SLC1A6: variants seen among roughly 807,000 people sequenced by gnomAD.
SLC1A6 encodes solute carrier family 1 member 6, also known as excitatory amino acid transporter 4.
SLC1A6 carries 15 observed loss-of-function variants against 42.1 expected under a neutral mutation model. The ratio of observed to expected loss-of-function variants is 0.36; its 90% confidence interval spans 0.24 to 0.55. The LOEUF (loss-of-function observed/expected upper bound fraction) is 0.55. Ranked by LOEUF, SLC1A6 falls within the 20% of genes least tolerant of loss-of-function variation. SLC1A6 has a pLI of 0.88. For synonymous variants in SLC1A6, 317 were observed against 319.7 expected (o/e 0.99, Z 0.09); for missense variants, 542 against 772.5 (o/e 0.70, Z 3.54).
intron 6 of SLC1A6, among the ~76,000 whole-genome samples, chr19:14,957,574 T>C (rs983847543): frequency 6.6e-6 from 1 of 152,216 alleles, no homozygotes; most frequent in African/African-American, 2.4e-5. Context: ...TGTGGGTGCC[T>C]TGAACTTAGA....
At chr19:14,998,628 C>G (rs1181145235) in intron 1 of SLC1A6, among the ~76,000 whole-genome samples, 1 of 152,052 alleles carries the variant, frequency 6.6e-6, no homozygotes, top group East Asian at 1.9e-4. Context: ...CACCAAATTC[C>G]AAATTACTTT....
chr19:14,985,479 C>G (rs1473480608), intron 1 of SLC1A6, among the ~76,000 whole-genome samples: 1 of 152,210 alleles, frequency 6.6e-6, no homozygotes, highest in Non-Finnish European at 1.5e-5. Flanking sequence ...TCCTCCCTCT[C>G]TCTTTCTTGC....
intron 4 of SLC1A6, among the ~76,000 whole-genome samples, chr19:14,967,347 T>C (rs1273592878): frequency 6.6e-6 from 1 of 152,186 alleles, no homozygotes; most frequent in East Asian, 1.9e-4. Context: ...TACAGTCACC[T>C]GTAAACTAAA....
intron 6 of SLC1A6, among the ~76,000 whole-genome samples, chr19:14,960,930 CTTTT>C (rs58843508): frequency 7.2e-6 from 1 of 138,708 alleles, no homozygotes. Flanking sequence ...TGGTCTCTCC[CTTTT>C]TTTTTTTTTT....
chr19:14,997,869 C>A (rs934252892), intron 1 of SLC1A6, among the ~76,000 whole-genome samples: 16 of 152,104 alleles, frequency 1.1e-4, no homozygotes, highest in African/African-American at 2.7e-4. Context: ...CTTCCCTTGC[C>A]TCATTCTAGT....
At chr19:15,009,425 A>G (rs1309407823) in intron 1 of SLC1A6, among the ~76,000 whole-genome samples, 2 of 152,168 alleles carry the variant, frequency 1.3e-5, no homozygotes, top group African/African-American at 2.4e-5. Flanking sequence ...ATACTTAGCC[A>G]TAAAAAACAG....
intron 1 of SLC1A6, among the ~76,000 whole-genome samples, chr19:15,010,225 G>GAGAGAAAAGAAA (rs1555711908): frequency 3.3e-5 from 3 of 89,840 alleles, no homozygotes; most frequent in African/African-American, 1.0e-4. Flanking sequence ...AAGAGAGAGA[G>GAGAGAAAAGAAA]AGAAAAGAAA....
chr19:14,957,318 A>G (rs1049826005), intron 6 of SLC1A6, among the ~76,000 whole-genome samples: 1 of 152,132 alleles, frequency 6.6e-6, no homozygotes, highest in African/African-American at 2.4e-5. Flanking sequence ...AAGCACTTAC[A>G]TTCTGTTATG....
rs147039089 is a variant in SLC1A6, at chr19:14,956,646, G to A, written c.999C>T (p.Ala333=). 7.5e-5 allele frequency: 121 copies of A among 1,613,908 alleles called. No individual in the cohort carries two copies. In the African/African-American group the frequency reaches 1.0e-3, roughly 14 times the overall value. ...AGKILEMEDM[A]VLGGQLGMYT... ...ACATGCCCAGCTGACCCCCCAGGAC[G>A]GCCATGTCTTCCATCTCCAGAATCT... Residue 333 remains alanine (A), a synonymous_variant, in exon 7 of 10, where the codon GCC becomes GCT. Coordinates refer to ENST00000594383, the MANE Select transcript of SLC1A6 (RefSeq NM_005071.3).
At chr19:14,972,295 T>C (rs1697572930) in intron 2 of SLC1A6, among the ~76,000 whole-genome samples, 1 of 152,212 alleles carries the variant, frequency 6.6e-6, no homozygotes, top group Admixed American at 6.5e-5. Context: ...CTTAAGCTCA[T>C]AAGTGTGTGC....
chr19:14,954,562 A>G (rs887775409), intron 7 of SLC1A6, among the ~76,000 whole-genome samples: 65 of 151,672 alleles, frequency 4.3e-4, no homozygotes, highest in African/African-American at 1.6e-3. Context: ...GGACGTGGCC[A>G]GGTGAGGAAG....
chr19:15,008,028 C>CCG (rs1555711625), intron 1 of SLC1A6, among the ~76,000 whole-genome samples: 6 of 128,864 alleles, frequency 4.7e-5, no homozygotes, highest in African/African-American at 1.8e-4. Context: ...TCTGCCCCCC[C>CCG]CCCAAAAAAA....
intron 1 of SLC1A6, among the ~76,000 whole-genome samples, chr19:14,997,934 C>A (rs2045854691): frequency 6.6e-6 from 1 of 151,864 alleles, no homozygotes; most frequent in Admixed American, 6.6e-5. Context: ...TCCTCTACTC[C>A]AATCTTCATG....
In SLC1A6 at chr19:14,972,775, G is replaced by A. The variant is rs769324903; in HGVS notation, c.136C>T (p.Leu46Phe). 8 of 1,613,942 alleles carry A rather than the reference G, an allele frequency of 5.0e-6. No individual in the cohort carries two copies. Among genetic ancestry groups the A allele is most frequent in the African/African-American group, 2.7e-5 (2 of 75,078 alleles). The change falls in exon 2 of 10, where the codon CTC becomes TTC. Residue 46 changes from leucine (L) to phenylalanine (F), a missense_variant. Around this residue, in one of 6 missense-constraint regions of SLC1A6, gnomAD observed 88 missense variants for 85.5 expected, o/e 1.03. Transcript: ENST00000594383. The stretch of plus-strand genomic sequence containing the variant: ...CGCAGGAAGCGCAGCACGTGCTCGA[G>A]GGTCATGGTCTGCAGGCGCAGGCGC... ...RTRLRLQTMT[L>F]EHVLRFLRRN...
At chr19:14,979,970 A>C (rs1896878527), upstream of SLC1A6, 1 of 152,196 alleles carries the variant, frequency 6.6e-6, no homozygotes, top group Non-Finnish European at 1.5e-5. This position sits in a 1 kb window ranked among gnomAD's most constrained non-coding sequence, Gnocchi z 4.2. Context: ...GAGCCCTCGG[A>C]GGCCCCAGCA....
In SLC1A6 at chr19:14,950,370, G is replaced by A. The variant is rs757422362; in HGVS notation, c.1520C>T (p.Thr507Ile). ...TCCAATTGAGTCCCCCAGTACGTTG[G>A]TCATTGTGCGAAGCCGGTCACTGGT... ...DWFLDRLRTMTNVLGDSIGAA... is the reference protein window; with the variant it reads ...DWFLDRLRTMINVLGDSIGAA... Residue 507 changes from threonine to isoleucine, a missense_variant, in exon 10 of 10, where the codon ACC becomes ATC. Coordinates refer to ENST00000594383, the MANE Select transcript of SLC1A6 (RefSeq NM_005071.3). The A allele has an allele frequency of 6.3e-7, 1 of 1,592,042 alleles. No individual in the cohort carries two copies. The highest frequency in any genetic ancestry group is 8.6e-7 in the Non-Finnish European group (1 of 1,165,216).
intron 1 of SLC1A6, 57 bp from the exon 2 acceptor site, chr19:14,972,974 G>T: frequency 1.5e-6 from 2 of 1,373,390 alleles, no homozygotes; most frequent in Non-Finnish European, 2.0e-6. Context: ...GGCCGGCGTG[G>T]GCAGATGGCG....
intron 1 of SLC1A6, among the ~76,000 whole-genome samples, chr19:14,996,805 A>G (rs1298606308): frequency 2.0e-5 from 3 of 151,986 alleles, no homozygotes; most frequent in Non-Finnish European, 4.4e-5. Context: ...GCCATTAGGA[A>G]AGAAAGATTT....
At chr19:15,005,018 G>A (rs1248436533) in intron 1 of SLC1A6, among the ~76,000 whole-genome samples, 2 of 152,198 alleles carry the variant, frequency 1.3e-5, no homozygotes, top group Non-Finnish European at 2.9e-5. Flanking sequence ...CAGAGCTTTG[G>A]TAGGCCAAGG....
Sources: allele counts gnomAD v4.1 joint callset (sites outside exome capture counted in the v4.1 genomes callset), GRCh38; gene constraint gnomAD v4.1.1; regional missense constraint gnomAD v4.1.1; non-coding constraint Gnocchi (gnomAD v3.1); transcripts MANE v1.5; gene names NCBI Gene and HGNC (gene_info 2026-07-23, HGNC 2026-07-21).